Variants in CPLANE1 observed in about 807,000 individuals in gnomAD.
The protein encoded by CPLANE1 is ciliogenesis and planar polarity effector complex subunit 1.
A neutral mutation model predicts 362.5 loss-of-function variants in CPLANE1; 263 were observed. The ratio of observed to expected loss-of-function variants is 0.73; its 90% CI spans 0.66 to 0.80. The LOEUF is 0.80. Among genes scored for constraint, CPLANE1 ranks in the 30% least tolerant of loss-of-function variants. The pLI is 0.00. For synonymous variants in CPLANE1, 1,212 were observed against 1,302.6 expected, an observed-to-expected ratio of 0.93 and a Z score of 1.50; for missense variants, 3,461 against 3,793.4, an observed-to-expected ratio of 0.91 and a Z score of 2.30.
At chr5:37,215,652 T>G (rs534213323) in intron 15 of CPLANE1, among the ~76,000 whole-genome samples, 1 of 151,674 alleles carries the variant, frequency 6.6e-6, no homozygotes, top group Non-Finnish European at 1.5e-5. Context: ...ATTTTTTAAA[T>G]GGAGGTATCT....
intron 47 of CPLANE1, chr5:37,124,893 T>C: frequency 9.7e-7 from 1 of 1,033,408 alleles, no homozygotes; most frequent in Non-Finnish European, 1.2e-6. Flanking sequence ...ATGGCTTTAA[T>C]ACACATAGTT....
rs933753376 is a variant in CPLANE1 at position 37,169,005 on chromosome 5, T to A, written c.7019A>T (p.Lys2340Ile). ...QDSSVFIKPE[K>I]LFDVKPGTLE... ...GGTCCCTGGCTTAACATCAAATAGT[T>A]TTTCTGGTTTTATAAACACTGAAGA... The change falls in exon 34 of 53, where the codon AAA (lysine) becomes ATA (isoleucine). Residue 2340 changes from lysine to isoleucine, a missense_variant. Transcript: ENST00000651892. 5.6e-6 allele frequency: 9 copies of A among 1,613,958 alleles called. No individual in the cohort carries two copies. The highest frequency in any genetic ancestry group is 7.6e-6 in the Non-Finnish European group (9 of 1,180,002).
the CPLANE1 span, among the ~76,000 whole-genome samples, chr5:37,090,778 C>G: frequency 6.6e-6 from 1 of 152,138 alleles, no homozygotes; most frequent in Non-Finnish European, 1.5e-5. Context: ...CCACTCAGCC[C>G]ATAAATATTG....
In CPLANE1 at chr5:37,139,388, A is replaced by T; in HGVS notation, c.8633-18T>A. On this transcript the variant is annotated intron_variant, in intron 44 of 52. Transcript: ENST00000651892. The stretch of plus-strand genomic sequence containing the variant: ...ATTCATACCTAAAAAAAAAATCATT[A>T]TTAATAAAAATTTTGGGTTTTTTTT... 8.8e-7 allele frequency: 1 copy of T among 1,137,266 alleles called. No individual in the cohort carries two copies. The highest frequency in any genetic ancestry group is 1.2e-6 in the Non-Finnish European group (1 of 825,718). 70.4% of individuals were successfully genotyped at this position (1,137,266 alleles called of 1,614,324 possible). A position where few individuals can be genotyped will look rare whatever the true frequency, so the allele number is the denominator to read the frequency against.
intron 16 of CPLANE1, chr5:37,211,098 G>C (rs551593800): frequency 3.0e-6 from 3 of 993,738 alleles, no homozygotes; most frequent in Admixed American, 1.7e-5. Context: ...TGGCAACATG[G>C]TGCTTCACAA....
At chr5:37,238,367 G>A (rs931416879) in intron 8 of CPLANE1, among the ~76,000 whole-genome samples, 1 of 151,068 alleles carries the variant, frequency 6.6e-6, no homozygotes, top group Non-Finnish European at 1.5e-5. Flanking sequence ...TTTTTTAGTA[G>A]AGATGGGGTT....
At position 37,196,938 on chromosome 5, in the gene CPLANE1, G is replaced by GA. The variant is rs925391909; in HGVS notation, c.3673-943dup. 1.0e-3 allele frequency among the ~76,000 whole-genome samples: 142 copies of GA among 139,896 alleles called. 1 individual carries two copies. Among genetic ancestry groups the GA allele is most frequent in the East Asian group, 1.3e-3 (6 of 4,636 alleles). The allele number at this position is 139,896 out of a possible 152,430, so 91.8% of individuals were successfully genotyped here. A position where few individuals can be genotyped will look rare whatever the true frequency, so the allele number is the denominator to read the frequency against. Reference sequence around the variant, plus strand: ...GATGCTGTCTCAAAAAAGAAAAAAGGAAAAAAAAAAAGAAAATTTGAACTC... The same window carrying GA: ...GATGCTGTCTCAAAAAAGAAAAAAGGAAAAAAAAAAAAGAAAATTTGAACTC... On this transcript the variant is annotated intron_variant, in intron 20 of 52. Coordinates refer to ENST00000651892, the MANE Select transcript of CPLANE1 (RefSeq NM_001384732.1).
chr5:37,187,655 A>C, intron 22 of CPLANE1, 78 bp downstream of exon 22: 1 of 1,551,248 alleles, frequency 6.4e-7, no homozygotes, highest in South Asian at 1.2e-5. Flanking sequence ...TTTTGCTACA[A>C]ACAATAAAAT....
intron 37 of CPLANE1, among the ~76,000 whole-genome samples, chr5:37,163,068 G>C (rs1035170516): frequency 6.6e-6 from 1 of 152,202 alleles, no homozygotes; most frequent in Non-Finnish European, 1.5e-5. Context: ...GACTCTGCAC[G>C]TCCAGCTTAG....
the CPLANE1 span, among the ~76,000 whole-genome samples, chr5:37,081,133 C>T: frequency 2.0e-5 from 3 of 152,018 alleles, no homozygotes; most frequent in Non-Finnish European, 4.4e-5. Context: ...AGAGCTAGAT[C>T]CTGTCTCATA....
At chr5:37,085,185 C>G in the CPLANE1 span, 1 of 819,038 alleles carries the variant, frequency 1.2e-6, no homozygotes, top group Non-Finnish European at 2.2e-6. Flanking sequence ...GTGTCTCCCC[C>G]TCATCATTTT....
intron 15 of CPLANE1, among the ~76,000 whole-genome samples, chr5:37,217,310 A>G (rs1311624150): frequency 6.6e-6 from 1 of 152,214 alleles, no homozygotes; most frequent in Non-Finnish European, 1.5e-5. Context: ...AAAAATTTTC[A>G]AAGTGTAAAT....
chr5:37,107,107 TG>T lies in CPLANE1; in HGVS notation c.*494del, dbSNP rs1333170563. ...AGATTCAGGGTTGGTAAAAGGTAGT[TG>T]GTTTTTCTTTTCACTCCTAGGCTAA... On this transcript the variant is annotated 3_prime_UTR_variant, in exon 53 of 53. Coordinates refer to ENST00000651892, the MANE Select transcript of CPLANE1 (RefSeq NM_001384732.1). The T allele has an allele frequency of 1.0e-6, 1 of 985,344 alleles. No individual in the cohort carries two copies. The highest frequency in any genetic ancestry group is 1.2e-6 in the Non-Finnish European group (1 of 829,954). 61.0% of individuals were successfully genotyped at this position (985,344 alleles called of 1,614,324 possible).
intron 9 of CPLANE1, among the ~76,000 whole-genome samples, chr5:37,228,992 C>T (rs1488330949): frequency 2.0e-5 from 3 of 152,008 alleles, no homozygotes; most frequent in Non-Finnish European, 4.4e-5. Context: ...GAGGCTGAGG[C>T]GGGCGGATCA....
At chr5:37,158,909 G>A (rs1473310366) in intron 38 of CPLANE1, among the ~76,000 whole-genome samples, 3 of 149,128 alleles carry the variant, frequency 2.0e-5, no homozygotes, top group South Asian at 2.1e-4. Context: ...TCAGCCTCCC[G>A]AGTAGCTGAG....
chr5:37,123,656 C>G (rs1394652395), intron 47 of CPLANE1, among the ~76,000 whole-genome samples: 1 of 152,158 alleles, frequency 6.6e-6, no homozygotes, highest in Non-Finnish European at 1.5e-5. Context: ...GTTAGGACTA[C>G]AGGCATGTGC....
intron 46 of CPLANE1, among the ~76,000 whole-genome samples, chr5:37,125,931 A>G (rs1408121964): frequency 2.6e-5 from 4 of 152,142 alleles, no homozygotes; most frequent in Non-Finnish European, 5.9e-5. Flanking sequence ...CACTATCTCT[A>G]TCACTTTCAA....
chr5:37,154,594 C>T (rs1246696657), intron 41 of CPLANE1, among the ~76,000 whole-genome samples: 1 of 151,552 alleles, frequency 6.6e-6, no homozygotes, highest in East Asian at 1.9e-4. Flanking sequence ...GCCACTGCGC[C>T]TGGTCTGCAA....
chr5:37,131,452 T>G (rs1579991130), intron 46 of CPLANE1, among the ~76,000 whole-genome samples: 2 of 151,978 alleles, frequency 1.3e-5, no homozygotes, highest in African/African-American at 4.8e-5. Flanking sequence ...TCCCCTGAGC[T>G]CCCACAAACA....
Sources: gnomAD v4.1 joint callset for allele counts (sites outside exome capture counted in the v4.1 genomes callset) on GRCh38, gnomAD v4.1.1 for gene constraint, MANE v1.5 for transcripts, NCBI Gene and HGNC (gene_info 2026-07-23, HGNC 2026-07-21) for gene names.